PLEKHA8: variants seen among roughly 807,000 people sequenced by gnomAD.
PLEKHA8 encodes pleckstrin homology domain containing A8, also known as pleckstrin homology domain-containing family A member 8.
In PLEKHA8, 36 loss-of-function variants were observed where a neutral mutation model predicts 68.2. The observed-to-expected ratio is 0.53, with a 90% CI of 0.40 to 0.70. The LOEUF (loss-of-function observed/expected upper bound fraction) is 0.70, where lower values mean the gene tolerates loss of function less well. PLEKHA8 is among the 30% of genes least tolerant of loss of function. The probability of loss-of-function intolerance (pLI) is 0.00; values close to 1 mark genes in which losing one functional copy is unlikely to be tolerated. For synonymous variants in PLEKHA8, 211 were observed against 216.1 expected, an observed-to-expected ratio of 0.98 and a Z score of 0.20; for missense variants, 505 against 615.4, an observed-to-expected ratio of 0.82 and a Z score of 1.90.
At chr7:30,100,853 T>C (rs1304517707) in intron 13 of PLEKHA8, among the ~76,000 whole-genome samples, 1 of 152,170 alleles carries the variant, frequency 6.6e-6, no homozygotes, top group East Asian at 1.9e-4. Flanking sequence ...CTATTTAAGC[T>C]AATAGCTAAA....
intron 13 of PLEKHA8, among the ~76,000 whole-genome samples, chr7:30,112,851 T>C (rs1352037724): frequency 2.6e-5 from 4 of 151,822 alleles, no homozygotes; most frequent in Non-Finnish European, 5.9e-5. Flanking sequence ...CAGTGAGCTG[T>C]GATATACCAC....
downstream of PLEKHA8, chr7:30,090,876 C>T (rs1795387662): frequency 5.8e-6 from 1 of 173,304 alleles, no homozygotes; most frequent in Non-Finnish European, 1.1e-5. Context: ...ATAAAAATTC[C>T]TCAGCCCGGC....
chr7:30,062,048 C>T (rs1304700016), intron 11 of PLEKHA8, 21 bp downstream of exon 11: 1 of 1,595,142 alleles, frequency 6.3e-7, no homozygotes, highest in South Asian at 1.1e-5. Context: ...TGGGGTGGGA[C>T]AGCAGTTAAA....
At chr7:30,052,372 C>T (rs1376185908) in intron 6 of PLEKHA8, among the ~76,000 whole-genome samples, 1 of 152,138 alleles carries the variant, frequency 6.6e-6, no homozygotes, top group Non-Finnish European at 1.5e-5. Flanking sequence ...CGAGGTGGCT[C>T]ATGCCTGTAA....
chr7:30,068,346 G>C (rs1345974004), intron 12 of PLEKHA8, among the ~76,000 whole-genome samples: 1 of 152,246 alleles, frequency 6.6e-6, no homozygotes, highest in Non-Finnish European at 1.5e-5. Flanking sequence ...TACCAGCAGA[G>C]TAGTGAGAGT....
At chr7:30,061,357 G>A (rs1793423449) in intron 10 of PLEKHA8, among the ~76,000 whole-genome samples, 1 of 152,178 alleles carries the variant, frequency 6.6e-6, no homozygotes, top group Non-Finnish European at 1.5e-5. Context: ...TGGTAGTTGT[G>A]GGACCATCAA....
Position 30,078,585 on chromosome 7 carries a change from T to C in PLEKHA8, c.1363-5T>C, listed in dbSNP as rs566467086. 1 of 1,613,590 alleles carries C rather than the reference T, an allele frequency of 6.2e-7. No individual in the cohort carries two copies. Among genetic ancestry groups the C allele is most frequent in the South Asian group, 1.1e-5 (1 of 91,078 alleles). On this transcript the variant is annotated splice_polypyrimidine_tract_variant and splice_region_variant and intron_variant, in intron 13 of 13. Transcript: ENST00000449726. ...TGCAGATTCTCATGGGTTATTCTTT[T>C]GCAGTTAGCTTTAAGGGCAGCTCCA...
intron 13 of PLEKHA8, among the ~76,000 whole-genome samples, chr7:30,077,296 C>T (rs1193258238): frequency 6.6e-6 from 1 of 152,110 alleles, no homozygotes; most frequent in Non-Finnish European, 1.5e-5. Context: ...TGGTCTTTAT[C>T]ATTCATTATG....
At chr7:30,126,371 A>G (rs1392767284) in intron 13 of PLEKHA8, among the ~76,000 whole-genome samples, 3 of 152,220 alleles carry the variant, frequency 2.0e-5, no homozygotes, top group Non-Finnish European at 2.9e-5. Flanking sequence ...CTCAGTCAAG[A>G]TCTCTAGGAC....
downstream of PLEKHA8, among the ~76,000 whole-genome samples, chr7:30,085,867 G>C (rs150993094): frequency 3.3e-5 from 5 of 152,296 alleles, no homozygotes; most frequent in East Asian, 9.7e-4. Context: ...AGGAAGGATG[G>C]TGTAGGCACA....
chr7:30,049,339 C>G lies in PLEKHA8; in HGVS notation c.554C>G (p.Thr185Ser). The G allele has an allele frequency of 6.2e-7, 1 of 1,614,158 alleles. No individual in the cohort carries two copies. Among genetic ancestry groups the G allele is most frequent in the Non-Finnish European group, 8.5e-7 (1 of 1,180,016 alleles). Residue 185 changes from threonine (T) to serine (S), a missense_variant, in exon 5 of 14, where the codon ACT (threonine) becomes AGT (serine). Transcript: ENST00000449726. ...AAFTSELLYRTPPGSPQLAML... is the reference protein window; with the variant it reads ...AAFTSELLYRSPPGSPQLAML... ...TTCACCTCTGAGCTGCTCTACCGCA[C>G]TCCACCAGGATCACCTCAGCTGGCC...
intron 13 of PLEKHA8, among the ~76,000 whole-genome samples, chr7:30,103,760 A>AT (rs1281550992): frequency 6.6e-6 from 1 of 152,238 alleles, no homozygotes. Flanking sequence ...CACAGGTGAA[A>AT]TTTTTTGAGA....
intron 1 of PLEKHA8, among the ~76,000 whole-genome samples, chr7:30,043,933 G>A (rs938956971): frequency 6.6e-6 from 1 of 151,976 alleles, no homozygotes; most frequent in Non-Finnish European, 1.5e-5. Context: ...TGAGAGAAAT[G>A]TATCCCTAAA....
intron 13 of PLEKHA8, among the ~76,000 whole-genome samples, chr7:30,097,410 C>T (rs1022024758): frequency 3.9e-5 from 6 of 152,162 alleles, no homozygotes; most frequent in African/African-American, 1.4e-4. Flanking sequence ...TAGATAATAT[C>T]CTGCAGAGTG....
intron 13 of PLEKHA8, among the ~76,000 whole-genome samples, chr7:30,123,467 A>G (rs1447045210): frequency 6.6e-6 from 1 of 152,222 alleles, no homozygotes; most frequent in African/African-American, 2.4e-5. Context: ...CCCCGTCCTC[A>G]AACACAGTGG....
intron 9 of PLEKHA8, 86 bp downstream of exon 9, chr7:30,055,428 A>G (rs759782036): frequency 2.0e-5 from 23 of 1,155,616 alleles, no homozygotes; most frequent in African/African-American, 9.1e-5. Flanking sequence ...ACCCCAAACT[A>G]TGTGTACAGT....
intron 1 of PLEKHA8, among the ~76,000 whole-genome samples, chr7:30,042,907 T>C (rs1562856750): frequency 6.6e-6 from 1 of 152,176 alleles, no homozygotes; most frequent in East Asian, 1.9e-4. Context: ...AGTCTGAGGA[T>C]TGATTTGGTT....
At chr7:30,056,479 A>G (rs1380228606) in intron 9 of PLEKHA8, among the ~76,000 whole-genome samples, 13 of 148,352 alleles carry the variant, frequency 8.8e-5, no homozygotes, top group Non-Finnish European at 1.5e-5. Flanking sequence ...CTGTAATCCC[A>G]GCACTTTGGG....
chr7:30,119,052 C>T (rs1796653166), intron 13 of PLEKHA8, among the ~76,000 whole-genome samples: 1 of 152,216 alleles, frequency 6.6e-6, no homozygotes. Context: ...GTGGTACAGA[C>T]ATGACTGCTG....
Sources: gnomAD v4.1 joint callset for allele counts (sites outside exome capture counted in the v4.1 genomes callset) on GRCh38, gnomAD v4.1.1 for gene constraint, MANE v1.5 for transcripts, NCBI Gene and HGNC (gene_info 2026-07-23, HGNC 2026-07-21) for gene names.